Variants in PTPN14 observed in about 807,000 individuals in gnomAD.
PTPN14 encodes tyrosine-protein phosphatase non-receptor type 14.
PTPN14 carries 53 observed loss-of-function variants against 126.8 expected under a neutral mutation model. That is an observed-to-expected ratio of 0.42 (90% CI 0.34 to 0.53). PTPN14 has a LOEUF of 0.53. PTPN14 is among the 20% of genes least tolerant of loss of function. The pLI, the probability that PTPN14 is intolerant of heterozygous loss-of-function variation, is 0.08. For synonymous variants in PTPN14, 630 were observed against 599.3 expected (o/e 1.05, Z -0.75); for missense variants, 1,257 against 1,552.9 (o/e 0.81, Z 3.20).
intron 1 of PTPN14, among the ~76,000 whole-genome samples, chr1:214,497,762 C>T (rs1654566304): frequency 6.6e-6 from 1 of 152,016 alleles, no homozygotes; most frequent in African/African-American, 2.4e-5. Flanking sequence ...TTTTTCAAAA[C>T]TTTCTCTACA....
intron 3 of PTPN14, among the ~76,000 whole-genome samples, chr1:214,438,020 CA>C (rs1659957962): frequency 6.6e-6 from 1 of 152,210 alleles, no homozygotes; most frequent in African/African-American, 2.4e-5. Context: ...GTGAAGACCA[CA>C]CTCAAAGAAC....
intron 2 of PTPN14, 47 bp downstream of exon 2, chr1:214,464,583 C>A: frequency 6.3e-7 from 1 of 1,594,814 alleles, no homozygotes; most frequent in East Asian, 2.3e-5. Flanking sequence ...TTCACATACC[C>A]AACACGCATG....
At chr1:214,451,305 C>G (rs908077120) in intron 3 of PTPN14, among the ~76,000 whole-genome samples, 3 of 152,006 alleles carry the variant, frequency 2.0e-5, no homozygotes, top group Non-Finnish European at 4.4e-5. Context: ...GAACTAAAAG[C>G]ACAAAACACC....
At chr1:214,475,472 T>C (rs764302065) in intron 1 of PTPN14, among the ~76,000 whole-genome samples, 6 of 152,256 alleles carry the variant, frequency 3.9e-5, no homozygotes, top group Non-Finnish European at 8.8e-5. Context: ...TACCTGACTC[T>C]GGTTTACTCT....
At chr1:214,480,096 G>C (rs1021316131) in intron 1 of PTPN14, among the ~76,000 whole-genome samples, 1 of 152,058 alleles carries the variant, frequency 6.6e-6, no homozygotes, top group Admixed American at 6.6e-5. Flanking sequence ...AACTTAGGTT[G>C]GTTCTAATTT....
intron 1 of PTPN14, among the ~76,000 whole-genome samples, chr1:214,486,786 A>AT (rs540221991): frequency 1.8e-4 from 28 of 152,300 alleles, no homozygotes; most frequent in Middle Eastern, 6.8e-3. Flanking sequence ...CATTCCCCCT[A>AT]GTAGTGAACA....
Position 214,350,706 on chromosome 1 carries a change from A to ATTTTTTTTTTTTTTTTTTTT in PTPN14, c.*7215_*7216insAAAAAAAAAAAAAAAAAAAA, listed in dbSNP as rs1491278063. 3.4e-4 allele frequency: 17 copies of ATTTTTTTTTTTTTTTTTTTT among 49,436 alleles called. No individual in the cohort carries two copies. The highest frequency in any genetic ancestry group is 4.7e-4 in the Admixed American group (2 of 4,284). 3.1% of individuals were successfully genotyped at this position (49,436 alleles called of 1,614,324 possible). On this transcript the variant is annotated 3_prime_UTR_variant, in exon 19 of 19. Coordinates refer to ENST00000366956, the MANE Select transcript of PTPN14 (RefSeq NM_005401.5). ...CAGGCATGTGCCACCATGCCTGGCT[A>ATTTTTTTTTTTTTTTTTTTT]ATTTTTTTTTTTTTTTTTTTTTTTG...
chr1:214,361,520 G>GC (rs1558068654), intron 18 of PTPN14, among the ~76,000 whole-genome samples: 2 of 152,164 alleles, frequency 1.3e-5, no homozygotes, highest in Non-Finnish European at 2.9e-5. Flanking sequence ...GCTCTTAACT[G>GC]CCCCCAAGCC....
chr1:214,435,844 A>G (rs1659901920), intron 3 of PTPN14, among the ~76,000 whole-genome samples: 1 of 152,216 alleles, frequency 6.6e-6, no homozygotes, highest in African/African-American at 2.4e-5. Context: ...GCGATTTCTC[A>G]AAGAACTTAA....
intron 1 of PTPN14, among the ~76,000 whole-genome samples, chr1:214,466,738 A>C (rs1006376779): frequency 2.0e-5 from 3 of 152,182 alleles, no homozygotes; most frequent in African/African-American, 7.2e-5. Flanking sequence ...AGGCAGATCC[A>C]CTAGGATTTA....
intron 1 of PTPN14, among the ~76,000 whole-genome samples, chr1:214,534,062 C>A (rs956885051): frequency 6.6e-6 from 1 of 151,898 alleles, no homozygotes; most frequent in African/African-American, 2.4e-5. Context: ...TACCATCATT[C>A]GTAATTACAA....
intron 1 of PTPN14, among the ~76,000 whole-genome samples, chr1:214,521,356 C>T (rs963906613): frequency 7.2e-5 from 11 of 152,298 alleles, no homozygotes; most frequent in African/African-American, 2.2e-4. Flanking sequence ...CCAATTAAAA[C>T]GGCAGATGCC....
intron 11 of PTPN14, among the ~76,000 whole-genome samples, chr1:214,388,500 G>A (rs557356403): frequency 9.2e-5 from 14 of 151,992 alleles, no homozygotes; most frequent in South Asian, 6.2e-4. Flanking sequence ...TCCGCCTCCC[G>A]GGTTCAAGAG....
chr1:214,364,786 TGTGTGTGTGTG>T lies in PTPN14; in HGVS notation c.3272-122_3272-112del. Reference sequence around the variant, plus strand: ...TGGTGAGTGTGTGTGTGTGTGTGTGTGTGTGTGTGTGTGTGTGTGTTTTAAGTGACAATAAT... The same window carrying T: ...TGGTGAGTGTGTGTGTGTGTGTGTGTTGTGTGTGTTTTAAGTGACAATAAT... On this transcript the variant is annotated intron_variant, in intron 17 of 18. Transcript: ENST00000366956. This position sits in a 1 kb window ranked among gnomAD's most constrained non-coding sequence, Gnocchi z 4.1. The T allele has an allele frequency of 4.6e-6, 4 of 876,908 alleles. No individual in the cohort carries two copies. The highest frequency in any genetic ancestry group is 6.8e-6 in the Non-Finnish European group (4 of 583,986). 54.3% of individuals were successfully genotyped at this position (876,908 alleles called of 1,614,324 possible). A position where few individuals can be genotyped will look rare whatever the true frequency, so the allele number is the denominator to read the frequency against.
chr1:214,402,311 G>A (rs1367161648), intron 6 of PTPN14, among the ~76,000 whole-genome samples: 3 of 151,270 alleles, frequency 2.0e-5, no homozygotes, highest in African/African-American at 7.3e-5. Flanking sequence ...GGTGGTGCAT[G>A]TGCCTGTAAT....
chr1:214,536,439 AAG>A (rs1267597505), intron 1 of PTPN14, among the ~76,000 whole-genome samples: 1 of 152,092 alleles, frequency 6.6e-6, no homozygotes, highest in African/African-American at 2.4e-5. Context: ...AAAAAATATT[AAG>A]AGGATTTATA....
intron 3 of PTPN14, among the ~76,000 whole-genome samples, chr1:214,428,199 C>T (rs1372454167): frequency 2.6e-5 from 4 of 152,114 alleles, no homozygotes; most frequent in Admixed American, 1.3e-4. Context: ...TTACAGTGGA[C>T]GCAGAAGGAA....
chr1:214,460,611 A>G (rs1172336758), intron 2 of PTPN14, among the ~76,000 whole-genome samples: 1 of 70,434 alleles, frequency 1.4e-5, no homozygotes, highest in African/African-American at 9.1e-5. Context: ...ACACACACAC[A>G]TACACACACA....
intron 1 of PTPN14, among the ~76,000 whole-genome samples, chr1:214,535,404 C>T (rs147971152): frequency 1.6e-4 from 24 of 152,148 alleles, no homozygotes; most frequent in African/African-American, 5.1e-4. Flanking sequence ...TTCACATGTA[C>T]GATTTAGGGT....
Sources: allele counts gnomAD v4.1 joint callset (sites outside exome capture counted in the v4.1 genomes callset), GRCh38; gene constraint gnomAD v4.1.1; non-coding constraint Gnocchi (gnomAD v3.1); transcripts MANE v1.5; gene names NCBI Gene and HGNC (gene_info 2026-07-23, HGNC 2026-07-21).